VWF: variants seen among roughly 807,000 people sequenced by gnomAD.
VWF encodes the protein von Willebrand factor.
A neutral mutation model predicts 308.6 loss-of-function variants in VWF; 176 were observed. The ratio of observed to expected loss-of-function variants is 0.57; its 90% CI spans 0.50 to 0.65. VWF has a LOEUF of 0.65. VWF is among the 30% of genes least tolerant of loss of function. The pLI, the probability that VWF is intolerant of heterozygous loss-of-function variation, is 0.00. For synonymous variants in VWF, 1,385 were observed against 1,443.4 expected, an observed-to-expected ratio of 0.96 and a Z score of 0.92; for missense variants, 3,146 against 3,648.2, an observed-to-expected ratio of 0.86 and a Z score of 3.55.
intron 2 of VWF, among the ~76,000 whole-genome samples, chr12:6,121,963 A>G (rs73266892): frequency 0.035 from 5,270 of 152,196 alleles, 242 homozygotes; most frequent in African/African-American, 0.099. Flanking sequence ...AGAAAAGAAA[A>G]GACAAAGAAG....
At chr12:6,037,637 G>A (rs1339712069) in intron 18 of VWF, among the ~76,000 whole-genome samples, 1 of 152,212 alleles carries the variant, frequency 6.6e-6, no homozygotes, top group African/African-American at 2.4e-5. Context: ...CTGGGTGCCT[G>A]TCCTGGTGTG....
At chr12:6,029,905 G>T (rs1944239551) in intron 21 of VWF, among the ~76,000 whole-genome samples, 1 of 152,146 alleles carries the variant, frequency 6.6e-6, no homozygotes, top group African/African-American at 2.4e-5. Flanking sequence ...ATAAGCAGTA[G>T]ACTCTCACCT....
chr12:5,976,021 A>AG, intron 43 of VWF, 90 bp downstream of exon 43: 1 of 1,587,224 alleles, frequency 6.3e-7, no homozygotes, highest in Non-Finnish European at 8.6e-7. Flanking sequence ...ATTTCAAAAA[A>AG]AAAAGAACCT....
chr12:6,021,556 G>A, intron 27 of VWF: 2 of 290,952 alleles, frequency 6.9e-6, no homozygotes, highest in Non-Finnish European at 1.3e-5. Flanking sequence ...CCTGTGCTCA[G>A]ACTAGTCATG....
chr12:6,036,026 T>C (rs1371173896), intron 19 of VWF, among the ~76,000 whole-genome samples: 1 of 152,234 alleles, frequency 6.6e-6, no homozygotes, highest in Admixed American at 6.5e-5. Flanking sequence ...ATAAGGTATA[T>C]ATGAACCATA....
intron 34 of VWF, among the ~76,000 whole-genome samples, chr12:6,005,555 G>A (rs763687120): frequency 2.8e-4 from 43 of 152,058 alleles, no homozygotes; most frequent in Non-Finnish European, 4.7e-4. Flanking sequence ...AAAGAAGTCC[G>A]CTACAACATA....
rs148175213 is a variant in VWF at position 6,054,531 on chromosome 12, C to T, written c.1946-1748G>A. Among the ~76,000 whole-genome samples, 309 of 152,326 alleles carry T rather than the reference C, an allele frequency of 2.0e-3. 1 individual carries two copies. Among genetic ancestry groups the T allele is most frequent in the African/African-American group, 6.8e-3 (283 of 41,572 alleles). ...CCTTTAGCCTTCTTCCCCAAAGAAACAATGCACATCTCAGTTTAGCAGACA... is the reference window on the plus strand; with the variant it reads ...CCTTTAGCCTTCTTCCCCAAAGAAATAATGCACATCTCAGTTTAGCAGACA... On this transcript the variant is annotated intron_variant, in intron 15 of 51. Coordinates refer to ENST00000261405, the MANE Select transcript of VWF (RefSeq NM_000552.5).
intron 6 of VWF, among the ~76,000 whole-genome samples, chr12:6,080,755 C>T (rs1944899862): frequency 6.6e-6 from 1 of 152,216 alleles, no homozygotes; most frequent in Non-Finnish European, 1.5e-5. Context: ...TAATCCAAAC[C>T]CAACCAAGCT....
rs770031169 is a variant in VWF at position 6,121,334 on chromosome 12, G to C, written c.60C>G (p.Thr20=). 26 of 1,613,850 alleles carry C rather than the reference G, an allele frequency of 1.6e-5. No homozygotes were observed. In the South Asian group the frequency reaches 1.6e-4, roughly 10 times the overall value. Residue 20 remains threonine, a synonymous_variant, in exon 3 of 52, where the codon ACC becomes ACG. Coordinates refer to ENST00000261405, the MANE Select transcript of VWF (RefSeq NM_000552.5). ...LLALALILPG[T]LCAEGTRGRS... ...TGCCGCGAGTTCCTTCTGCACAAAG[G>C]GTCCCTGGAGGGAGAGGCCACAGGT...
chr12:5,997,300 C>T (rs112482914), intron 34 of VWF, among the ~76,000 whole-genome samples: 3 of 152,216 alleles, frequency 2.0e-5, no homozygotes, highest in Admixed American at 6.5e-5. Flanking sequence ...ATCCCCAACA[C>T]GCAGCTGTTG....
chr12:6,106,144 A>G (rs1174309676), intron 5 of VWF, among the ~76,000 whole-genome samples: 1 of 152,234 alleles, frequency 6.6e-6, no homozygotes, highest in Non-Finnish European at 1.5e-5. Context: ...GAAGCAATCT[A>G]AGTGTCTACT....
intron 25 of VWF, 75 bp downstream of exon 25, chr12:6,023,556 A>C: frequency 6.3e-7 from 1 of 1,585,540 alleles, no homozygotes; most frequent in Non-Finnish European, 8.6e-7. Flanking sequence ...ATCCCCCTGC[A>C]CTCACAAGGT....
At position 6,073,645 on chromosome 12, in the gene VWF, C is replaced by A; in HGVS notation, c.971G>T (p.Arg324Leu). 6.2e-7 allele frequency: 1 copy of A among 1,614,108 alleles called. No individual in the cohort carries two copies. Among genetic ancestry groups the A allele is most frequent in the Non-Finnish European group, 8.5e-7 (1 of 1,180,022 alleles). The change falls in exon 8 of 52, where the codon CGA becomes CTA. Residue 324 changes from arginine to leucine, a missense_variant. By Grantham distance (102) the Arg-to-Leu change is moderately radical. This residue lies in a region of VWF where 1,304 missense variants were observed against 1,353.0 expected (regional missense o/e 0.96). Transcript: ENST00000261405. Reference sequence around the variant, plus strand: ...AGGGCAGCTGCAGCCATCCACGCATCGCTCCTGACACATTTCATTGATGTG... The same window carrying A: ...AGGGCAGCTGCAGCCATCCACGCATAGCTCCTGACACATTTCATTGATGTG... ...SLHINEMCQE[R>L]CVDGCSCPEG...
At chr12:6,109,211 C>G (rs1218401972) in intron 5 of VWF, among the ~76,000 whole-genome samples, 1 of 151,748 alleles carries the variant, frequency 6.6e-6, no homozygotes, top group Non-Finnish European at 1.5e-5. Context: ...AAGACCTTAT[C>G]TCTAAATACA....
intron 5 of VWF, among the ~76,000 whole-genome samples, chr12:6,108,257 G>A (rs1415966709): frequency 6.8e-6 from 1 of 148,040 alleles, no homozygotes; most frequent in African/African-American, 2.5e-5. Context: ...TCTCACCACT[G>A]CAATCCGGCC....
rs972829655 is a variant in VWF at position 6,103,427 on chromosome 12, C to T, written c.532+6947G>A. On this transcript the variant is annotated intron_variant, in intron 5 of 51. Coordinates refer to ENST00000261405, the MANE Select transcript of VWF (RefSeq NM_000552.5). Reference sequence around the variant, plus strand: ...GTGTGTATACACACGTGTGTGTATACACACGTGTGTATATACATACACATA... The same window carrying T: ...GTGTGTATACACACGTGTGTGTATATACACGTGTGTATATACATACACATA... Among the ~76,000 whole-genome samples, 58 of 112,686 alleles carry T rather than the reference C, an allele frequency of 5.1e-4. 3 individuals carry two copies. The highest frequency in any genetic ancestry group is 2.2e-3 in the Admixed American group (27 of 12,520). The allele number at this position is 112,686 out of a possible 152,430, so 73.9% of individuals were successfully genotyped here.
At chr12:6,116,385 C>T (rs754427967) in intron 3 of VWF, among the ~76,000 whole-genome samples, 1 of 152,186 alleles carries the variant, frequency 6.6e-6, no homozygotes, top group Non-Finnish European at 1.5e-5. Flanking sequence ...CAGACCTGGG[C>T]GCTCTCTTAG....
chr12:6,038,078 C>G (rs899895884), intron 18 of VWF, among the ~76,000 whole-genome samples: 3 of 152,122 alleles, frequency 2.0e-5, no homozygotes, highest in African/African-American at 7.2e-5. Flanking sequence ...CTCCCGGAAC[C>G]ACTGTTCTTG....
At chr12:5,971,240 G>A (rs1943469558) in intron 44 of VWF, among the ~76,000 whole-genome samples, 1 of 152,206 alleles carries the variant, frequency 6.6e-6, no homozygotes, top group Non-Finnish European at 1.5e-5. Context: ...ACCCTGCCTG[G>A]GTTGATGTGG....
Sources: gnomAD v4.1 joint callset for allele counts (sites outside exome capture counted in the v4.1 genomes callset) on GRCh38, gnomAD v4.1.1 for gene constraint, gnomAD v4.1.1 regional missense constraint, MANE v1.5 for transcripts, NCBI Gene and HGNC (gene_info 2026-07-23, HGNC 2026-07-21) for gene names.